Variants in TTLL11 observed in about 807,000 individuals in gnomAD.
TTLL11 encodes the protein tubulin polyglutamylase TTLL11.
A neutral mutation model predicts 51.7 loss-of-function variants in TTLL11; 42 were observed. The observed-to-expected ratio is 0.81, with a 90% confidence interval of 0.64 to 1.05. The LOEUF (loss-of-function observed/expected upper bound fraction) is 1.05, where lower values mean the gene tolerates loss of function less well. Ranked by LOEUF, TTLL11 falls within the 50% of genes least tolerant of loss-of-function variation. The pLI, the probability that TTLL11 is intolerant of heterozygous loss-of-function variation, is 0.00. For synonymous variants in TTLL11, 381 were observed against 383.5 expected, an observed-to-expected ratio of 0.99 and a Z score of 0.08; for missense variants, 799 against 940.4, an observed-to-expected ratio of 0.85 and a Z score of 1.97.
At chr9:121,960,015 G>A (rs1267401050) in intron 6 of TTLL11, among the ~76,000 whole-genome samples, 1 of 151,856 alleles carries the variant, frequency 6.6e-6, no homozygotes, top group African/African-American at 2.4e-5. Flanking sequence ...TTAAGAAATA[G>A]AACATAGCCA....
chr9:121,838,821 C>CAAGCAAGCAAGT (rs1318032881), intron 8 of TTLL11, among the ~76,000 whole-genome samples: 1 of 151,630 alleles, frequency 6.6e-6, no homozygotes, highest in African/African-American at 2.4e-5. Context: ...AGCAAGCAAG[C>CAAGCAAGCAAGT]AAGCAAAGAT....
At chr9:122,013,160 G>A (rs903729730) in intron 3 of TTLL11, among the ~76,000 whole-genome samples, 1 of 152,154 alleles carries the variant, frequency 6.6e-6, no homozygotes, top group Admixed American at 6.5e-5. Flanking sequence ...TAACTTACCC[G>A]AGGGATACAC....
chr9:121,915,855 T>C (rs78297271), intron 6 of TTLL11, among the ~76,000 whole-genome samples: 1,694 of 152,232 alleles, frequency 0.011, 36 homozygotes, highest in African/African-American at 0.037. Context: ...CAAGCAGCAG[T>C]TGGCCCCCAA....
intron 6 of TTLL11, among the ~76,000 whole-genome samples, chr9:121,871,613 T>G (rs1043034067): frequency 6.6e-6 from 1 of 152,210 alleles, no homozygotes; most frequent in African/African-American, 2.4e-5. Context: ...AACTGGCACC[T>G]GAGTCACCTC....
intron 6 of TTLL11, among the ~76,000 whole-genome samples, chr9:121,889,272 AGAGGCTG>A (rs1839131339): frequency 6.6e-6 from 1 of 152,118 alleles, no homozygotes; most frequent in East Asian, 1.9e-4. Flanking sequence ...GCTCAGAATA[AGAGGCTG>A]GAGGTGCACG....
chr9:122,068,662 G>A (rs1440109495), intron 1 of TTLL11, among the ~76,000 whole-genome samples: 1 of 152,174 alleles, frequency 6.6e-6, no homozygotes, highest in Non-Finnish European at 1.5e-5. Flanking sequence ...GTTTGAAGGT[G>A]ATTTTGGCCG....
chr9:122,069,937 T>C (rs1845686073), intron 1 of TTLL11, among the ~76,000 whole-genome samples: 1 of 151,120 alleles, frequency 6.6e-6, no homozygotes, highest in Non-Finnish European at 1.5e-5. Flanking sequence ...TCTCACATTC[T>C]CCTGGGTCAC....
intron 6 of TTLL11, among the ~76,000 whole-genome samples, chr9:121,921,687 G>A (rs1420573956): frequency 6.6e-6 from 1 of 152,166 alleles, no homozygotes; most frequent in Non-Finnish European, 1.5e-5. Flanking sequence ...CACAAGTTAT[G>A]AGTCACTCCA....
At chr9:122,040,318 T>A in intron 1 of TTLL11, 1 of 983,638 alleles carries the variant, frequency 1.0e-6, no homozygotes, top group Non-Finnish European at 1.2e-6. Context: ...TCTTCTAAAA[T>A]CTTGTTTGGC....
intron 8 of TTLL11, among the ~76,000 whole-genome samples, chr9:121,835,167 T>C (rs1837149468): frequency 6.6e-6 from 1 of 152,192 alleles, no homozygotes; most frequent in African/African-American, 2.4e-5. Context: ...TGATGTAGAC[T>C]TCTGAATATT....
chr9:121,937,461 AC>A (rs1261571662), intron 6 of TTLL11, among the ~76,000 whole-genome samples: 1 of 152,182 alleles, frequency 6.6e-6, no homozygotes, highest in African/African-American at 2.4e-5. Flanking sequence ...AAACCAGGGC[AC>A]CTGGCAACTC....
At chr9:121,839,057 C>T (rs1481305778) in intron 8 of TTLL11, among the ~76,000 whole-genome samples, 1 of 152,222 alleles carries the variant, frequency 6.6e-6, no homozygotes, top group African/African-American at 2.4e-5. Flanking sequence ...ACCCTGAGTC[C>T]CACCTGGCGA....
chr9:121,926,599 C>A (rs1477476314), intron 6 of TTLL11, among the ~76,000 whole-genome samples: 1 of 152,154 alleles, frequency 6.6e-6, no homozygotes, highest in Non-Finnish European at 1.5e-5. Context: ...GCAGCTTGTG[C>A]CCAGTCTCGG....
At chr9:121,977,291 A>G (rs891620250) in intron 4 of TTLL11, among the ~76,000 whole-genome samples, 10 of 152,214 alleles carry the variant, frequency 6.6e-5, no homozygotes, top group African/African-American at 2.4e-4. Context: ...CACTAGCTAC[A>G]TGACTCTAGG....
chr9:121,988,557 C>G (rs529662781), intron 4 of TTLL11, among the ~76,000 whole-genome samples: 2 of 152,162 alleles, frequency 1.3e-5, no homozygotes, highest in Non-Finnish European at 2.9e-5. Flanking sequence ...CCTACCCCTA[C>G]CCAGTTTCTC....
At chr9:121,843,464 C>T (rs79628336) in intron 8 of TTLL11, among the ~76,000 whole-genome samples, 4,287 of 152,024 alleles carry the variant, frequency 0.028, 185 homozygotes, top group African/African-American at 0.096. Flanking sequence ...GAGTTAAAAA[C>T]GCCTGGGGGC....
intron 6 of TTLL11, among the ~76,000 whole-genome samples, chr9:121,885,753 G>A (rs1487224678): frequency 6.6e-6 from 1 of 152,102 alleles, no homozygotes; most frequent in East Asian, 1.9e-4. Context: ...CTTTGAGACA[G>A]GGTTTCACTC....
intron 6 of TTLL11, among the ~76,000 whole-genome samples, chr9:121,961,738 AG>A (rs1430586070): frequency 6.6e-6 from 1 of 152,226 alleles, no homozygotes; most frequent in Non-Finnish European, 1.5e-5. Flanking sequence ...TAAATGAGAA[AG>A]GGGCAATAAC....
chr9:121,830,708 G>A (rs578245119), intron 8 of TTLL11, among the ~76,000 whole-genome samples: 1 of 152,308 alleles, frequency 6.6e-6, no homozygotes, highest in East Asian at 1.9e-4. Context: ...CTAAGTAGGA[G>A]AGAACATTCT....
Sources: gnomAD v4.1 joint callset for allele counts (sites outside exome capture counted in the v4.1 genomes callset) on GRCh38, gnomAD v4.1.1 for gene constraint, MANE v1.5 for transcripts, NCBI Gene and HGNC (gene_info 2026-07-23, HGNC 2026-07-21) for gene names.